Variants in PLD5 observed in about 807,000 individuals in gnomAD.
PLD5 encodes the protein phospholipase D family member 5.
A neutral mutation model predicts 61.1 loss-of-function variants in PLD5; 36 were observed. The observed-to-expected ratio is 0.59, with a 90% CI of 0.45 to 0.78. The LOEUF is 0.78. PLD5 is among the 30% of genes least tolerant of loss of function. The probability of loss-of-function intolerance (pLI) is 0.00; values close to 1 mark genes in which losing one functional copy is unlikely to be tolerated. For missense variants in PLD5, 515 were observed against 644.4 expected, an observed-to-expected ratio of 0.80 and a Z score of 2.17; for synonymous variants, 243 against 242.8, an observed-to-expected ratio of 1.00 and a Z score of -0.01.
At chr1:242,468,676 T>C (rs1198984253) in intron 1 of PLD5, among the ~76,000 whole-genome samples, 1 of 151,160 alleles carries the variant, frequency 6.6e-6, no homozygotes, top group Non-Finnish European at 1.5e-5. Context: ...TGTAAATACA[T>C]ACACACACAC....
upstream of PLD5, among the ~76,000 whole-genome samples, chr1:242,526,529 G>A (rs1472517542): frequency 1.3e-5 from 2 of 152,076 alleles, no homozygotes; most frequent in African/African-American, 2.4e-5. Flanking sequence ...TCCGCCTCCC[G>A]GGTTCAAGCG....
At chr1:242,302,696 G>A (rs1478387051) in intron 2 of PLD5, among the ~76,000 whole-genome samples, 1 of 152,172 alleles carries the variant, frequency 6.6e-6, no homozygotes, top group Non-Finnish European at 1.5e-5. Context: ...TCTAGCCTGG[G>A]CAACAGAGCA....
At chr1:242,207,784 T>TTATA (rs1553324791) in intron 5 of PLD5, among the ~76,000 whole-genome samples, 3 of 61,338 alleles carry the variant, frequency 4.9e-5, no homozygotes, top group East Asian at 3.4e-4. Flanking sequence ...TTATATATAT[T>TTATA]TATATTTATA....
intron 5 of PLD5, among the ~76,000 whole-genome samples, chr1:242,163,142 C>CTTTTTT (rs1484018271): frequency 7.6e-6 from 1 of 131,146 alleles, no homozygotes; most frequent in African/African-American, 2.9e-5. Context: ...ATTTTCTTTT[C>CTTTTTT]TTTTCTTTCT....
chr1:242,136,002 C>T lies in PLD5; in HGVS notation c.736-11337G>A, dbSNP rs114343545. On this transcript the variant is annotated intron_variant, in intron 5 of 9. Transcript: ENST00000536534. ...AGCCTGTTTCCCTGAACTTGTTCCT[C>T]GGGGTGGGAGGGCGAGGGAGGAAAG... Among the ~76,000 whole-genome samples the T allele has an allele frequency of 9.8e-4, 149 of 151,858 alleles. 1 individual carries two copies. The highest frequency in any genetic ancestry group is 3.4e-3 in the Middle Eastern group (1 of 294).
chr1:242,267,371 G>A (rs1255984412), intron 3 of PLD5, among the ~76,000 whole-genome samples: 1 of 152,148 alleles, frequency 6.6e-6, no homozygotes, highest in Non-Finnish European at 1.5e-5. Flanking sequence ...TAATCCCTGG[G>A]TGTTGGACAA....
Position 242,176,176 on chromosome 1 carries a change from C to T in PLD5, c.735+43812G>A, listed in dbSNP as rs577993417. 1.4e-3 allele frequency among the ~76,000 whole-genome samples: 217 copies of T among 152,152 alleles called. 1 individual carries two copies. Among genetic ancestry groups the T allele is most frequent in the Non-Finnish European group, 1.8e-3 (124 of 68,032 alleles). The stretch of plus-strand genomic sequence containing the variant: ...AAGCTGGAGGCATCATGCTACCTGA[C>T]TTCAAACTATACTACAAAGCTACAG... On this transcript the variant is annotated intron_variant, in intron 5 of 9. Coordinates refer to ENST00000536534, the MANE Select transcript of PLD5 (RefSeq NM_001372062.1).
In PLD5 at chr1:242,124,562, G is replaced by A; in HGVS notation, c.839C>T (p.Pro280Leu). 1 of 1,613,984 alleles carries A rather than the reference G, an allele frequency of 6.2e-7. No individual in the cohort carries two copies. The highest frequency in any genetic ancestry group is 1.1e-5 in the South Asian group (1 of 91,076). ...YSSLKFKSRV[P>L]QTWSKRLYGV... is the part of the protein sequence containing the mutation. ...ATAGAGTCTTTTGGACCAGGTTTGA[G>A]GCACTCTGCTTTTGAATTTTAATGA... The change falls in exon 6 of 10, where the codon CCT becomes CTT. Residue 280 changes from proline (P) to leucine (L), a missense_variant. By Grantham distance (98) the Pro-to-Leu change is moderately conservative. Around this residue, in one of 2 missense-constraint regions of PLD5, gnomAD observed 450 missense variants for 598.1 expected, o/e 0.75. Coordinates refer to ENST00000536534, the MANE Select transcript of PLD5 (RefSeq NM_001372062.1).
chr1:242,423,396 T>A (rs1665250406), intron 1 of PLD5, among the ~76,000 whole-genome samples: 1 of 152,128 alleles, frequency 6.6e-6, no homozygotes, highest in Non-Finnish European at 1.5e-5. Flanking sequence ...GCAGGAAGTG[T>A]CATATCTGAA....
At position 242,300,185 on chromosome 1, in the gene PLD5, T is replaced by A. The variant is rs1453553254; in HGVS notation, c.327-11655A>T. 2.0e-5 allele frequency among the ~76,000 whole-genome samples: 3 copies of A among 152,198 alleles called. No individual in the cohort carries two copies. The South Asian group carries it at 6.2e-4, about 32-fold the overall frequency. On this transcript the variant is annotated intron_variant, in intron 2 of 9. Coordinates refer to ENST00000536534, the MANE Select transcript of PLD5 (RefSeq NM_001372062.1). ...CAGGCATAGTGGCTCACTCCTATAA[T>A]CCCAGCACTTTGGGAGGCCAAGGCG...
intron 1 of PLD5, among the ~76,000 whole-genome samples, chr1:242,499,867 A>T (rs1359961824): frequency 2.0e-5 from 3 of 152,138 alleles, no homozygotes; most frequent in Non-Finnish European, 4.4e-5. Flanking sequence ...GCTGGGAGTG[A>T]CTGGAATAGC....
At chr1:242,464,979 G>T (rs1245746784) in intron 1 of PLD5, among the ~76,000 whole-genome samples, 1 of 152,190 alleles carries the variant, frequency 6.6e-6, no homozygotes, top group African/African-American at 2.4e-5. Context: ...TATCTTTGTG[G>T]TTGCCAGAGG....
intron 7 of PLD5, among the ~76,000 whole-genome samples, chr1:242,112,352 T>TATATATATATATATATATATATAC (rs1661596162): frequency 1.5e-5 from 2 of 130,830 alleles, no homozygotes; most frequent in Non-Finnish European, 3.3e-5. Context: ...TATATATATA[T>TATATATATATATATATATATATAC]AGATGGAGTC....
intron 5 of PLD5, among the ~76,000 whole-genome samples, chr1:242,156,101 G>C (rs1397711044): frequency 1.3e-5 from 2 of 152,004 alleles, no homozygotes; most frequent in Non-Finnish European, 2.9e-5. Context: ...TTACCATTAT[G>C]TAATGCCCCT....
chr1:242,207,752 ATATATT>A (rs5782226), intron 5 of PLD5, among the ~76,000 whole-genome samples: 22,109 of 92,856 alleles, frequency 0.24, 3,891 homozygotes, highest in East Asian at 0.54. Context: ...ATATATTTAT[ATATATT>A]TATATTTATA....
intron 1 of PLD5, among the ~76,000 whole-genome samples, chr1:242,470,185 C>T (rs1414764462): frequency 2.6e-5 from 4 of 151,318 alleles, no homozygotes; most frequent in Non-Finnish European, 5.9e-5. Flanking sequence ...ACTAAAAATA[C>T]AAAAAAAATT....
chr1:242,294,948 T>A (rs1176840278), intron 2 of PLD5, among the ~76,000 whole-genome samples: 1 of 152,228 alleles, frequency 6.6e-6, no homozygotes, highest in Non-Finnish European at 1.5e-5. Flanking sequence ...CCTAATGCAC[T>A]GGATCAGTTA....
intron 6 of PLD5, among the ~76,000 whole-genome samples, chr1:242,114,790 G>C (rs963960952): frequency 3.3e-5 from 5 of 152,184 alleles, no homozygotes; most frequent in African/African-American, 1.2e-4. Context: ...AGACCATCTA[G>C]TTGCACAAAA....
At chr1:242,521,017 C>T (rs759353844) in intron 1 of PLD5, among the ~76,000 whole-genome samples, 8 of 152,200 alleles carry the variant, frequency 5.3e-5, no homozygotes, top group Non-Finnish European at 1.0e-4. Flanking sequence ...ATTTTAACAA[C>T]CAAGAGCATT....
Sources: allele counts gnomAD v4.1 joint callset (sites outside exome capture counted in the v4.1 genomes callset), GRCh38; gene constraint gnomAD v4.1.1; regional missense constraint gnomAD v4.1.1; transcripts MANE v1.5; gene names NCBI Gene and HGNC (gene_info 2026-07-23, HGNC 2026-07-21).